Variants in NRXN1 observed in about 807,000 individuals in gnomAD.
NRXN1 encodes neurexin 1.
NRXN1 carries 39 observed loss-of-function variants against 150.9 expected under a neutral mutation model. The ratio of observed to expected loss-of-function variants is 0.26; its 90% CI spans 0.20 to 0.34. The LOEUF (loss-of-function observed/expected upper bound fraction) is 0.34, where lower values mean the gene tolerates loss of function less well. NRXN1 is among the 10% of genes least tolerant of loss of function. The pLI is 1.00. For synonymous variants in NRXN1, 924 were observed against 757.0 expected (o/e 1.22, Z -3.62); for missense variants, 1,815 against 1,949.9 (o/e 0.93, Z 1.30).
chr2:50,857,358 A>G (rs1322723871), intron 5 of NRXN1, among the ~76,000 whole-genome samples: 1 of 152,102 alleles, frequency 6.6e-6, no homozygotes, highest in East Asian at 1.9e-4. Flanking sequence ...TGGCTGGGAA[A>G]GAACTTTGGT....
intron 18 of NRXN1, among the ~76,000 whole-genome samples, chr2:50,197,101 G>A (rs2061824265): frequency 6.6e-6 from 1 of 152,114 alleles, no homozygotes; most frequent in Non-Finnish European, 1.5e-5. Context: ...AATATGGACA[G>A]AGTCTCCTAG....
chr2:50,027,453 C>A (rs1336961909), intron 21 of NRXN1, among the ~76,000 whole-genome samples: 1 of 148,596 alleles, frequency 6.7e-6, no homozygotes, highest in Non-Finnish European at 1.5e-5. Flanking sequence ...CTCCTTCTCT[C>A]CTTTTTTGAG....
At chr2:50,046,687 T>A (rs1417144960) in intron 21 of NRXN1, among the ~76,000 whole-genome samples, 1 of 152,208 alleles carries the variant, frequency 6.6e-6, no homozygotes, top group South Asian at 2.1e-4. Context: ...GAGGTCTAAG[T>A]AACTCACAGC....
At chr2:50,004,661 A>G (rs1236447080) in intron 21 of NRXN1, among the ~76,000 whole-genome samples, 1 of 152,132 alleles carries the variant, frequency 6.6e-6, no homozygotes, top group Non-Finnish European at 1.5e-5. Flanking sequence ...TTGCCTCCCA[A>G]ATCAACAACC....
chr2:50,193,207 T>C (rs1364132836), intron 18 of NRXN1, among the ~76,000 whole-genome samples: 2 of 152,180 alleles, frequency 1.3e-5, no homozygotes, highest in Non-Finnish European at 2.9e-5. Context: ...ATCCTCATCA[T>C]CAATAAAAGC....
At position 51,003,800 on chromosome 2, in the gene NRXN1, C is replaced by T. The variant is rs565666844; in HGVS notation, c.772+23702G>A. Among the ~76,000 whole-genome samples, 10 of 151,940 alleles carry T rather than the reference C, an allele frequency of 6.6e-5. No homozygotes were observed. The South Asian group carries it at 2.1e-3, about 32-fold the overall frequency. On this transcript the variant is annotated intron_variant, in intron 2 of 22. Transcript: ENST00000401669. ...GACTAATTGCATTTTAAACTGTTAC[C>T]AAACAAGAAGTGAGTTACAGAAATG...
intron 17 of NRXN1, among the ~76,000 whole-genome samples, chr2:50,267,342 T>C (rs953696060): frequency 1.3e-5 from 2 of 152,188 alleles, no homozygotes; most frequent in African/African-American, 4.8e-5. Flanking sequence ...AATGTATTAG[T>C]GTATGTCCTT....
intron 17 of NRXN1, among the ~76,000 whole-genome samples, chr2:50,276,543 C>T (rs1476840487): frequency 1.3e-5 from 2 of 152,128 alleles, no homozygotes; most frequent in African/African-American, 4.8e-5. Flanking sequence ...GGAATACTTA[C>T]CCTTGGATCT....
intron 5 of NRXN1, among the ~76,000 whole-genome samples, chr2:50,645,798 A>G (rs908324889): frequency 4.6e-5 from 7 of 152,000 alleles, no homozygotes; most frequent in African/African-American, 1.7e-4. Flanking sequence ...GCTTGATTAC[A>G]GAGCTCAAAG....
chr2:50,172,625 C>G (rs2060100456), intron 18 of NRXN1, among the ~76,000 whole-genome samples: 1 of 152,162 alleles, frequency 6.6e-6, no homozygotes, highest in South Asian at 2.1e-4. Context: ...TCCCAAAACT[C>G]AATTTTTCTG....
intron 21 of NRXN1, among the ~76,000 whole-genome samples, chr2:50,003,774 C>T (rs1865489): frequency 0.47 from 71,333 of 151,898 alleles, 17,382 homozygotes; most frequent in Middle Eastern, 0.62. Context: ...ATATTTCCAA[C>T]ATTTCATGAG....
At chr2:50,950,478 A>G (rs1418449581) in intron 2 of NRXN1, among the ~76,000 whole-genome samples, 2 of 152,212 alleles carry the variant, frequency 1.3e-5, no homozygotes, top group Non-Finnish European at 2.9e-5. Flanking sequence ...AGAAAATCAC[A>G]TATTAACAAT....
intron 8 of NRXN1, among the ~76,000 whole-genome samples, chr2:50,613,547 A>G (rs1678535196): frequency 6.6e-6 from 1 of 152,210 alleles, no homozygotes; most frequent in Admixed American, 6.5e-5. Flanking sequence ...TCTGCTGCGT[A>G]TCAGCCTGGC....
chr2:50,224,613 G>A (rs1019906732), intron 18 of NRXN1, among the ~76,000 whole-genome samples: 2 of 151,236 alleles, frequency 1.3e-5, no homozygotes, highest in African/African-American at 2.4e-5. Context: ...AACAAATGGA[G>A]AACCAATTTT....
intron 19 of NRXN1, among the ~76,000 whole-genome samples, chr2:50,072,326 G>C (rs1696405508): frequency 6.6e-6 from 1 of 152,052 alleles, no homozygotes; most frequent in Non-Finnish European, 1.5e-5. Context: ...CTCTGCATAA[G>C]ACAAATCCTT....
chr2:50,803,322 T>G (rs1707871614), intron 5 of NRXN1, among the ~76,000 whole-genome samples: 1 of 152,208 alleles, frequency 6.6e-6, no homozygotes, highest in African/African-American at 2.4e-5. Flanking sequence ...TATTTATTTT[T>G]CTTTTCTACT....
chr2:50,941,131 T>G (rs756097415), intron 2 of NRXN1, among the ~76,000 whole-genome samples: 1 of 152,118 alleles, frequency 6.6e-6, no homozygotes, highest in South Asian at 2.1e-4. Flanking sequence ...TCTGCCATCA[T>G]GCAAGATATG....
intron 5 of NRXN1, among the ~76,000 whole-genome samples, chr2:50,625,754 A>T (rs1448741831): frequency 6.6e-6 from 1 of 152,106 alleles, no homozygotes; most frequent in Non-Finnish European, 1.5e-5. Context: ...TTGGTTTCTG[A>T]AAATGGTTAG....
chr2:50,172,843 T>C (rs2060113003), intron 18 of NRXN1, among the ~76,000 whole-genome samples: 1 of 152,152 alleles, frequency 6.6e-6, no homozygotes, highest in Admixed American at 6.5e-5. Flanking sequence ...AGTGGGCGCC[T>C]GTAGTCCCAG....
Sources: gnomAD v4.1 joint callset for allele counts (sites outside exome capture counted in the v4.1 genomes callset) on GRCh38, gnomAD v4.1.1 for gene constraint, MANE v1.5 for transcripts, NCBI Gene and HGNC (gene_info 2026-07-23, HGNC 2026-07-21) for gene names.